PGM5: variants seen among roughly 807,000 people sequenced by gnomAD.
PGM5 encodes the protein phosphoglucomutase 5.
In PGM5, 23 loss-of-function variants were observed where a neutral mutation model predicts 59.2. That is an observed-to-expected ratio of 0.39 (90% CI 0.28 to 0.55). The LOEUF is 0.55. PGM5 is among the 20% of genes least tolerant of loss of function. The probability of loss-of-function intolerance (pLI) is 0.66; values close to 1 mark genes in which losing one functional copy is unlikely to be tolerated. For missense variants in PGM5, 574 were observed against 748.3 expected, an observed-to-expected ratio of 0.77 and a Z score of 2.72; for synonymous variants, 214 against 286.0, an observed-to-expected ratio of 0.75 and a Z score of 2.54.
chr9:68,362,865 C>CTTTTTTTTTTTTTT (rs1163826772), intron 1 of PGM5, among the ~76,000 whole-genome samples: 13 of 96,776 alleles, frequency 1.3e-4, no homozygotes, highest in Non-Finnish European at 2.0e-4. Context: ...TTTTCTTTTT[C>CTTTTTTTTTTTTTT]TTTTTTTTTT....
intron 6 of PGM5, among the ~76,000 whole-genome samples, chr9:68,451,919 G>A (rs1179424234): frequency 6.6e-5 from 10 of 152,226 alleles, no homozygotes; most frequent in Admixed American, 1.3e-4. Context: ...TTATGACAGC[G>A]CTTCAGCAGA....
intron 10 of PGM5, among the ~76,000 whole-genome samples, chr9:68,526,052 T>A (rs1297192630): frequency 6.7e-6 from 1 of 148,232 alleles, no homozygotes; most frequent in Non-Finnish European, 1.5e-5. Flanking sequence ...TGAGACTCCT[T>A]CTCAAAAAAA....
intron 10 of PGM5, among the ~76,000 whole-genome samples, chr9:68,501,927 T>A (rs568343581): frequency 1.3e-5 from 2 of 152,380 alleles, no homozygotes; most frequent in African/African-American, 4.8e-5. Context: ...ATCCTAGTGA[T>A]GCAATTAGGA....
At chr9:68,367,202 G>C (rs1422120659) in intron 1 of PGM5, among the ~76,000 whole-genome samples, 3 of 151,918 alleles carry the variant, frequency 2.0e-5, no homozygotes, top group African/African-American at 7.3e-5. Context: ...CTTTTTTGGT[G>C]TGGTCTGTGC....
chr9:68,452,889 T>A (rs1554684497), intron 6 of PGM5, among the ~76,000 whole-genome samples: 1 of 152,198 alleles, frequency 6.6e-6, no homozygotes. Context: ...GGACAAGACA[T>A]CTTGCTGGGA....
At chr9:68,494,294 T>C (rs945585338) in intron 9 of PGM5, among the ~76,000 whole-genome samples, 8 of 152,144 alleles carry the variant, frequency 5.3e-5, no homozygotes, top group Non-Finnish European at 1.0e-4. Flanking sequence ...AGGGGGAAGC[T>C]TTCAGGATTC....
intron 1 of PGM5, among the ~76,000 whole-genome samples, chr9:68,362,458 A>C (rs1834594338): frequency 6.6e-6 from 1 of 152,364 alleles, no homozygotes. Context: ...AAAAATTCCC[A>C]GAAATATTTT....
chr9:68,415,801 A>ATCTG (rs1175588835), intron 6 of PGM5, among the ~76,000 whole-genome samples: 17 of 118,352 alleles, frequency 1.4e-4, no homozygotes, highest in South Asian at 6.5e-4. Flanking sequence ...CTATCTATCT[A>ATCTG]TCTATCTATC....
intron 6 of PGM5, chr9:68,398,673 C>T (rs540888547): frequency 6.6e-6 from 1 of 152,302 alleles, no homozygotes; most frequent in South Asian, 2.1e-4. Context: ...AGAGGGCAGC[C>T]TATGGAGTTC....
At chr9:68,431,100 C>CT (rs1233778132) in intron 6 of PGM5, among the ~76,000 whole-genome samples, 1 of 152,148 alleles carries the variant, frequency 6.6e-6, no homozygotes, top group Non-Finnish European at 1.5e-5. Flanking sequence ...AAATGAAACT[C>CT]TAAGTTTTGC....
chr9:68,430,241 A>T lies in PGM5; in HGVS notation c.1044-34852A>T, dbSNP rs1233641476. On this transcript the variant is annotated intron_variant, in intron 6 of 10. Coordinates refer to ENST00000396396, the MANE Select transcript of PGM5 (RefSeq NM_021965.4). ...CATCATTCTGCAGGTTGAGTTTTTC[A>T]GTCCAGCGTAGAGTGATTGTTTCTG... 3.9e-5 allele frequency among the ~76,000 whole-genome samples: 6 copies of T among 152,208 alleles called. No homozygotes were observed. In the East Asian group the frequency reaches 1.2e-3, roughly 29 times the overall value.
chr9:68,368,792 G>A (rs1244953474), intron 1 of PGM5, among the ~76,000 whole-genome samples: 20 of 152,142 alleles, frequency 1.3e-4, no homozygotes, highest in Admixed American at 6.5e-4. Flanking sequence ...ACAGGTGCAC[G>A]CCACCATGGC....
chr9:68,387,781 T>A (rs1271708057), intron 4 of PGM5, among the ~76,000 whole-genome samples, 193 bp downstream of exon 4: 3 of 151,954 alleles, frequency 2.0e-5, no homozygotes, highest in African/African-American at 7.2e-5. Flanking sequence ...AAACAAAAGT[T>A]GAACAAATGA....
chr9:68,456,921 C>T (rs1342865709), intron 6 of PGM5, among the ~76,000 whole-genome samples: 1 of 152,146 alleles, frequency 6.6e-6, no homozygotes, highest in Non-Finnish European at 1.5e-5. Context: ...CCACTGTGCC[C>T]AGCCTCTTTT....
In PGM5 at chr9:68,519,009, G is replaced by A. The variant is rs184308079; in HGVS notation, c.1615-10558G>A. 3.5e-3 allele frequency among the ~76,000 whole-genome samples: 533 copies of A among 152,270 alleles called. 1 individual carries two copies. Among genetic ancestry groups the A allele is most frequent in the Admixed American group, 5.0e-3 (77 of 15,296 alleles). ...AGGCTAAAATTGCAGAAAATCAAAG[G>A]CAAAGAATAGTTTGATTGACAACTA... On this transcript the variant is annotated intron_variant, in intron 10 of 10. Coordinates refer to ENST00000396396, the MANE Select transcript of PGM5 (RefSeq NM_021965.4).
intron 2 of PGM5, among the ~76,000 whole-genome samples, chr9:68,380,267 T>C (rs537806237): frequency 6.6e-6 from 1 of 152,160 alleles, no homozygotes; most frequent in Admixed American, 6.5e-5. Flanking sequence ...CACAATGGTG[T>C]GAAGCTAAAA....
Position 68,499,352 on chromosome 9 carries a change from G to T in PGM5, c.1605G>T (p.Gln535His). ...SYERDPSGHD[Q>H]EPQAVLSPLI... ...AGAGGGATCCCAGCGGCCATGACCA[G>T]GAGCCACAGGTACAGAAACAGCTGT... The change falls in exon 10 of 11, where the codon CAG (glutamine) becomes CAT (histidine). Residue 535 changes from glutamine (Q) to histidine (H), a missense_variant. Coordinates refer to ENST00000396396, the MANE Select transcript of PGM5 (RefSeq NM_021965.4). The T allele has an allele frequency of 6.2e-7, 1 of 1,614,004 alleles. No homozygotes were observed. The highest frequency in any genetic ancestry group is 1.3e-5 in the African/African-American group (1 of 75,018).
chr9:68,436,821 A>G (rs1823448679), intron 6 of PGM5, among the ~76,000 whole-genome samples: 1 of 152,242 alleles, frequency 6.6e-6, no homozygotes, highest in Non-Finnish European at 1.5e-5. Flanking sequence ...AGTAAAGTGA[A>G]GGTTGTGGAA....
At chr9:68,451,283 C>T (rs1823691861) in intron 6 of PGM5, among the ~76,000 whole-genome samples, 1 of 152,162 alleles carries the variant, frequency 6.6e-6, no homozygotes, top group South Asian at 2.1e-4. Context: ...TATAAAATAC[C>T]ACATGTTGTC....
Sources: allele counts gnomAD v4.1 joint callset (sites outside exome capture counted in the v4.1 genomes callset), GRCh38; gene constraint gnomAD v4.1.1; transcripts MANE v1.5; gene names NCBI Gene and HGNC (gene_info 2026-07-23, HGNC 2026-07-21).